The following RMI1 variants were observed in gnomAD, a reference collection of about 807,000 sequenced individuals.
The protein encoded by RMI1 is RecQ mediated genome instability 1, also known as recQ-mediated genome instability protein 1.
Under a neutral mutation model 46.7 loss-of-function variants are expected in RMI1, and 36 were observed. The observed-to-expected ratio is 0.77, with a 90% CI of 0.59 to 1.02. The LOEUF (loss-of-function observed/expected upper bound fraction) is 1.02. Ranked by LOEUF, RMI1 falls within the 50% of genes least tolerant of loss-of-function variation. RMI1 has a pLI of 0.00. For synonymous variants in RMI1, 250 were observed against 252.9 expected, an observed-to-expected ratio of 0.99 and a Z score of 0.11; for missense variants, 676 against 713.7, an observed-to-expected ratio of 0.95 and a Z score of 0.60.
chr9:83,980,744 C>T (rs540502517), upstream of RMI1: 1 of 152,288 alleles, frequency 6.6e-6, no homozygotes, highest in African/African-American at 2.4e-5. Flanking sequence ...CGAAGGAGTC[C>T]TTTGGGGTTG....
intron 1 of RMI1, among the ~76,000 whole-genome samples, chr9:83,987,680 G>T (rs1387974218): frequency 6.6e-6 from 1 of 152,010 alleles, no homozygotes; most frequent in Non-Finnish European, 1.5e-5. Context: ...CTGGCCTTTG[G>T]CAACCACTGA....
Position 83,988,620 on chromosome 9 carries a change from T to C in RMI1, c.-126+7729T>C, listed in dbSNP as rs544317488. Among the ~76,000 whole-genome samples the C allele has an allele frequency of 2.0e-5, 3 of 152,344 alleles. No homozygotes were observed. The South Asian group carries it at 6.2e-4, about 32-fold the overall frequency. On this transcript the variant is annotated intron_variant, in intron 1 of 2. Transcript: ENST00000445877. The stretch of plus-strand genomic sequence containing the variant: ...CACCTTGCCCAACTGTTTTCCTTTG[T>C]AGAAACCTGCCAAATTCTTTTCCAC...
At chr9:83,983,443 G>T (rs1020033291) in intron 1 of RMI1, among the ~76,000 whole-genome samples, 3 of 152,036 alleles carry the variant, frequency 2.0e-5, no homozygotes, top group African/African-American at 7.3e-5. Context: ...GGATTACCTT[G>T]AACTCATCCT....
At chr9:83,997,758 A>G (rs1055733201) in intron 1 of RMI1, among the ~76,000 whole-genome samples, 5 of 151,870 alleles carry the variant, frequency 3.3e-5, no homozygotes, top group African/African-American at 7.3e-5. Flanking sequence ...GACCCAAACC[A>G]TATCACCTAT....
upstream of RMI1, chr9:83,980,695 C>T (rs1293935826): frequency 6.6e-6 from 1 of 152,032 alleles, no homozygotes; most frequent in Non-Finnish European, 1.5e-5. Context: ...CTAGTTCACG[C>T]GCACAGGGAG....
intron 1 of RMI1, among the ~76,000 whole-genome samples, chr9:83,991,306 C>CTT (rs55692810): frequency 6.4e-5 from 9 of 141,080 alleles, no homozygotes; most frequent in Non-Finnish European, 1.2e-4. Context: ...TGTCATTTTT[C>CTT]TTTTTTTTTT....
In RMI1 at chr9:84,002,937, A is replaced by C. The variant is rs1957761818; in HGVS notation, c.*73A>C. 1.1e-6 allele frequency: 1 copy of C among 929,904 alleles called. No homozygotes were observed. Among genetic ancestry groups the C allele is most frequent in the East Asian group, 2.7e-5 (1 of 37,548 alleles). 57.6% of individuals were successfully genotyped at this position (929,904 alleles called of 1,614,324 possible). On this transcript the variant is annotated 3_prime_UTR_variant, in exon 3 of 3. Transcript: ENST00000445877. Reference sequence around the variant, plus strand: ...TTAGAATTTGTTCACAATTTTACTTATGATACTTTGTGTAAAAAGGAAAAA... The same window carrying C: ...TTAGAATTTGTTCACAATTTTACTTCTGATACTTTGTGTAAAAAGGAAAAA...
At chr9:83,993,888 T>G (rs558524711) in intron 1 of RMI1, among the ~76,000 whole-genome samples, 1 of 151,998 alleles carries the variant, frequency 6.6e-6, no homozygotes, top group Admixed American at 6.5e-5. Flanking sequence ...CAAGCAGTCC[T>G]CTCACCTCAG....
intron 1 of RMI1, among the ~76,000 whole-genome samples, chr9:83,999,496 C>T (rs1428064795): frequency 6.6e-6 from 1 of 152,140 alleles, no homozygotes; most frequent in East Asian, 1.9e-4. Context: ...ACATCAAATA[C>T]TATACCTCCT....
intron 1 of RMI1, among the ~76,000 whole-genome samples, chr9:83,984,426 A>G (rs1278242901): frequency 2.8e-5 from 4 of 142,810 alleles, no homozygotes; most frequent in Middle Eastern, 4.3e-3. Context: ...TGTGCTACCA[A>G]GCTCGGCTAA....
At chr9:83,984,900 C>G (rs1957469012) in intron 1 of RMI1, among the ~76,000 whole-genome samples, 1 of 152,128 alleles carries the variant, frequency 6.6e-6, no homozygotes, top group African/African-American at 2.4e-5. Context: ...AGACAGTTTT[C>G]CAAATTTATT....
At chr9:83,994,880 A>G (rs1957627207) in intron 1 of RMI1, among the ~76,000 whole-genome samples, 1 of 152,058 alleles carries the variant, frequency 6.6e-6, no homozygotes, top group African/African-American at 2.4e-5. Context: ...ACTTTTCTTT[A>G]TCCTTAATGT....
chr9:83,995,574 C>T (rs1419555302), intron 1 of RMI1, among the ~76,000 whole-genome samples: 3 of 152,048 alleles, frequency 2.0e-5, no homozygotes, highest in African/African-American at 7.2e-5. Flanking sequence ...ACTACAGGCA[C>T]ATGCCACCAC....
intron 1 of RMI1, among the ~76,000 whole-genome samples, chr9:83,996,069 A>C (rs556252308): frequency 2.0e-5 from 3 of 152,240 alleles, no homozygotes; most frequent in Non-Finnish European, 4.4e-5. Context: ...AGTGTATTAT[A>C]ATTTTGGCTT....
chr9:84,002,115 A>C lies in RMI1; in HGVS notation c.1129A>C (p.Asn377His). 6.2e-7 allele frequency: 1 copy of C among 1,613,894 alleles called. No homozygotes were observed. Among genetic ancestry groups the C allele is most frequent in the Non-Finnish European group, 8.5e-7 (1 of 1,179,930 alleles). Reference protein sequence around the residue: ...KNGNNNWSEKNVSEQMTNEDK... With the variant: ...KNGNNNWSEKHVSEQMTNEDK... ...TGGAAACAATAATTGGAGTGAAAAA[A>C]ATGTATCTGAACAAATGACTAATGA... is the stretch of plus-strand genomic sequence containing the variant. The change falls in exon 3 of 3, where the codon AAT becomes CAT. Residue 377 changes from asparagine (N) to histidine (H), a missense_variant. By Grantham distance (68) the Asn-to-His change is moderately conservative (BLOSUM62 1). Coordinates refer to ENST00000445877, the MANE Select transcript of RMI1 (RefSeq NM_001358291.2).
chr9:84,001,811 A>G lies in RMI1; in HGVS notation c.825A>G (p.Ser275=). 1 of 1,614,060 alleles carries G rather than the reference A, an allele frequency of 6.2e-7. No individual in the cohort carries two copies. Residue 275 remains serine, a synonymous_variant, in exon 3 of 3, where the codon TCA becomes TCG. Transcript: ENST00000445877. The part of the protein sequence containing the change: ...SERCFTTGSS[S]NTIPTRQSSF... ...GATGTTTCACCACAGGTAGTTCCTC[A>G]AATACCATTCCCACAAGACAGTCAA...
intron 1 of RMI1, among the ~76,000 whole-genome samples, chr9:83,984,864 G>A (rs548565956): frequency 2.6e-5 from 4 of 152,176 alleles, no homozygotes; most frequent in Middle Eastern, 3.4e-3. Context: ...CACCCAGCCC[G>A]AACATATCTT....
chr9:83,981,324 G>A (rs540531763), intron 1 of RMI1, among the ~76,000 whole-genome samples: 2 of 152,382 alleles, frequency 1.3e-5, no homozygotes, highest in South Asian at 4.1e-4. Flanking sequence ...TAGGCAATAT[G>A]TATTGCCCTT....
At chr9:83,981,259 C>G (rs1326481286) in intron 1 of RMI1, among the ~76,000 whole-genome samples, 1 of 152,204 alleles carries the variant, frequency 6.6e-6, no homozygotes, top group African/African-American at 2.4e-5. Context: ...GTAATGGGAC[C>G]TGAGATGGAA....
Sources: allele counts gnomAD v4.1 joint callset (sites outside exome capture counted in the v4.1 genomes callset), GRCh38; gene constraint gnomAD v4.1.1; transcripts MANE v1.5; gene names NCBI Gene and HGNC (gene_info 2026-07-23, HGNC 2026-07-21).